Variants in PPP1R12A observed in about 807,000 individuals in gnomAD.
PPP1R12A encodes the protein protein phosphatase 1 regulatory subunit 12A, also known as myosin binding subunit.
A neutral mutation model predicts 139.6 loss-of-function variants in PPP1R12A; 19 were observed. The observed-to-expected ratio is 0.14, with a 90% CI of 0.09 to 0.20. The LOEUF is 0.20. PPP1R12A is among the 10% of genes least tolerant of loss of function. The probability of loss-of-function intolerance (pLI) is 1.00; values close to 1 mark genes in which losing one functional copy is unlikely to be tolerated. For missense variants in PPP1R12A, 925 were observed against 1,211.5 expected (o/e 0.76, Z 3.51); for synonymous variants, 427 against 420.6 (o/e 1.02, Z -0.19).
At chr12:79,795,100 C>T (rs1004391541) in intron 18 of PPP1R12A, among the ~76,000 whole-genome samples, 8 of 151,962 alleles carry the variant, frequency 5.3e-5, no homozygotes, top group African/African-American at 1.9e-4. Context: ...TCTAAACATG[C>T]CATACTTCAA....
chr12:79,848,664 C>A (rs7299165), intron 2 of PPP1R12A: 1 of 152,108 alleles, frequency 6.6e-6, no homozygotes, highest in Non-Finnish European at 1.5e-5. Context: ...TATGTATGTA[C>A]TTATGCATGC....
At chr12:79,779,757 G>A in intron 23 of PPP1R12A, 1 of 176,864 alleles carries the variant, frequency 5.7e-6, no homozygotes, top group Admixed American at 5.6e-5. Flanking sequence ...CTCCCTATGA[G>A]CCTCAATTTT....
intron 2 of PPP1R12A, among the ~76,000 whole-genome samples, chr12:79,861,417 G>C (rs1000641512): frequency 1.3e-5 from 2 of 152,314 alleles, no homozygotes; most frequent in Non-Finnish European, 1.5e-5. Flanking sequence ...GGTGATTTCT[G>C]CATTTCCAAC....
chr12:79,833,417 CTATTTAATA>C (rs1428901136), intron 3 of PPP1R12A, among the ~76,000 whole-genome samples: 1 of 152,106 alleles, frequency 6.6e-6, no homozygotes, highest in Non-Finnish European at 1.5e-5. Context: ...TGACTACTTG[CTATTTAATA>C]AACAGCACAC....
At chr12:79,867,865 G>A (rs1443606237) in intron 2 of PPP1R12A, among the ~76,000 whole-genome samples, 2 of 152,038 alleles carry the variant, frequency 1.3e-5, no homozygotes, top group African/African-American at 2.4e-5. Context: ...TCTTCCTGCC[G>A]CCATGTGAAG....
rs1869483357 is a variant in PPP1R12A, at chr12:79,773,827, A to AGTT, written c.*2099_*2101dup. 1 of 152,242 alleles carries AGTT rather than the reference A, an allele frequency of 6.6e-6. No individual in the cohort carries two copies. The highest frequency in any genetic ancestry group is 2.4e-5 in the African/African-American group (1 of 41,474). The allele number at this position is 152,242 out of a possible 1,614,324, so 9.4% of individuals were successfully genotyped here. The stretch of plus-strand genomic sequence containing the variant: ...CATTAAAAGTTCACACATTTAAAAT[A>AGTT]GTTTTATTCATTTTATTTGTATATG... On this transcript the variant is annotated 3_prime_UTR_variant, in exon 25 of 25. Coordinates refer to ENST00000450142, the MANE Select transcript of PPP1R12A (RefSeq NM_002480.3).
chr12:79,918,286 G>GA (rs1234908042), intron 1 of PPP1R12A, among the ~76,000 whole-genome samples: 1 of 151,936 alleles, frequency 6.6e-6, no homozygotes, highest in Non-Finnish European at 1.5e-5. Context: ...TAAATCCAAG[G>GA]AAAAAACCAC....
rs187345816 is a variant in PPP1R12A, at chr12:79,797,707, A to G, written c.2092-312T>C. On this transcript the variant is annotated intron_variant, in intron 15 of 24. Coordinates refer to ENST00000450142, the MANE Select transcript of PPP1R12A (RefSeq NM_002480.3). ...TTTATATATATGTCTGTGTGTGTGT[A>G]TATATATGTGTGTATATGTATCTAT... 2.7e-3 allele frequency among the ~76,000 whole-genome samples: 410 copies of G among 152,242 alleles called. 2 individuals are homozygous for G. Among genetic ancestry groups the G allele is most frequent in the African/African-American group, 9.5e-3 (396 of 41,562 alleles).
In PPP1R12A at chr12:79,794,701, C is replaced by T. The variant is rs547603588; in HGVS notation, c.2584-773G>A. On this transcript the variant is annotated intron_variant, in intron 18 of 24. Transcript: ENST00000450142. ...ATATAATATTAGAGATAAAGAGGAACATATAGTGAGAGATGGGTCAGTTTA... is the reference window on the plus strand; with the variant it reads ...ATATAATATTAGAGATAAAGAGGAATATATAGTGAGAGATGGGTCAGTTTA... Among the ~76,000 whole-genome samples the T allele has an allele frequency of 2.1e-4, 32 of 151,984 alleles. No homozygotes were observed. The South Asian group carries it at 6.0e-3, about 29-fold the overall frequency.
intron 2 of PPP1R12A, among the ~76,000 whole-genome samples, chr12:79,864,102 C>G (rs888566356): frequency 6.6e-6 from 1 of 152,160 alleles, no homozygotes; most frequent in Non-Finnish European, 1.5e-5. Context: ...AAACACTTCT[C>G]AGCAAATGTA....
At chr12:79,930,859 T>C (rs1181725281) in intron 1 of PPP1R12A, among the ~76,000 whole-genome samples, 2 of 152,110 alleles carry the variant, frequency 1.3e-5, no homozygotes, top group East Asian at 1.9e-4. Flanking sequence ...GCCAAGGTAA[T>C]TGTAAAGAAA....
At chr12:79,907,432 AAAAATAT>A (rs1203224535) in intron 1 of PPP1R12A, among the ~76,000 whole-genome samples, 1 of 152,192 alleles carries the variant, frequency 6.6e-6, no homozygotes, top group Admixed American at 6.5e-5. Context: ...ATCAAGGTTA[AAAAATAT>A]AAAAGTTAAA....
At chr12:79,853,431 T>C (rs370525792) in intron 2 of PPP1R12A, among the ~76,000 whole-genome samples, 49 of 152,360 alleles carry the variant, frequency 3.2e-4, no homozygotes, top group African/African-American at 1.2e-3. Context: ...CAGAGTCTTC[T>C]TGTGTTTTAC....
chr12:79,806,987 T>A (rs1252436321), intron 12 of PPP1R12A: 1 of 294,912 alleles, frequency 3.4e-6, no homozygotes, highest in Non-Finnish European at 6.2e-6. Context: ...CTTTTAAATA[T>A]GTAACAATCC....
At chr12:79,838,950 CA>C (rs1309002182) in intron 3 of PPP1R12A, among the ~76,000 whole-genome samples, 1 of 152,184 alleles carries the variant, frequency 6.6e-6, no homozygotes, top group African/African-American at 2.4e-5. Flanking sequence ...TTCCAGACCC[CA>C]GAATGACAGA....
chr12:79,900,331 A>G (rs1406688909), intron 1 of PPP1R12A, among the ~76,000 whole-genome samples: 1 of 152,220 alleles, frequency 6.6e-6, no homozygotes, highest in East Asian at 1.9e-4. Context: ...ACATGCATAT[A>G]GAAACATACA....
intron 8 of PPP1R12A, 41 bp downstream of exon 8, chr12:79,820,733 C>A: frequency 2.5e-6 from 4 of 1,597,750 alleles, no homozygotes; most frequent in Non-Finnish European, 3.4e-6. Context: ...TTTTACACTG[C>A]CACAAAATTC....
intron 1 of PPP1R12A, among the ~76,000 whole-genome samples, chr12:79,886,693 CG>C (rs1404029765): frequency 2.0e-5 from 3 of 151,738 alleles, no homozygotes; most frequent in Non-Finnish European, 4.4e-5. Context: ...AAAAATCTGA[CG>C]AAAACAATTC....
intron 2 of PPP1R12A, among the ~76,000 whole-genome samples, chr12:79,861,476 C>A (rs1383158028): frequency 6.6e-6 from 1 of 152,164 alleles, no homozygotes; most frequent in Non-Finnish European, 1.5e-5. Context: ...GTGGGTGCAG[C>A]CCGCAGAGGG....
Sources: gnomAD v4.1 joint callset for allele counts (sites outside exome capture counted in the v4.1 genomes callset) on GRCh38, gnomAD v4.1.1 for gene constraint, MANE v1.5 for transcripts, NCBI Gene and HGNC (gene_info 2026-07-23, HGNC 2026-07-21) for gene names.